The following GIPC3 variants were observed in gnomAD, a reference collection of about 807,000 sequenced individuals.
GIPC3 encodes the protein PDZ domain-containing protein GIPC3.
Under a neutral mutation model 27.3 loss-of-function variants are expected in GIPC3, and 16 were observed. The ratio of observed to expected loss-of-function variants is 0.59; its 90% CI spans 0.40 to 0.89. The LOEUF is 0.89. GIPC3 is among the 40% of genes least tolerant of loss of function. GIPC3 has a pLI of 0.00. For missense variants in GIPC3, 440 were observed against 442.1 expected (o/e 1.00, Z 0.04); for synonymous variants, 194 against 184.6 (o/e 1.05, Z -0.41).
chr19:3,589,886 A>G lies in GIPC3; in HGVS notation c.761A>G (p.Tyr254Cys). 6.2e-7 allele frequency: 1 copy of G among 1,613,888 alleles called. No homozygotes were observed. The highest frequency in any genetic ancestry group is 8.5e-7 in the Non-Finnish European group (1 of 1,180,006). Reference sequence around the variant, plus strand: ...AAGGTTGATGACCTGCTGGAAAGCTACATGGGCATTCGGGACCCCGAGCTG... The same window carrying G: ...AAGGTTGATGACCTGCTGGAAAGCTGCATGGGCATTCGGGACCCCGAGCTG... ...SRKVDDLLES[Y>C]MGIRDPELAS... is the part of the protein sequence containing the mutation. The change falls in exon 5 of 6, where the codon TAC (tyrosine) becomes TGC (cysteine). Residue 254 changes from tyrosine to cysteine, a missense_variant. Coordinates refer to ENST00000644452, the MANE Select transcript of GIPC3 (RefSeq NM_133261.3).
At chr19:3,587,817 A>G (rs1173610014) in intron 3 of GIPC3, among the ~76,000 whole-genome samples, 1 of 150,408 alleles carries the variant, frequency 6.6e-6, no homozygotes, top group African/African-American at 2.4e-5. Flanking sequence ...CAGCCTCCCG[A>G]GTAGCTGGGA....
At chr19:3,587,018 G>C in intron 3 of GIPC3, 24 bp downstream of exon 3, 1 of 1,601,256 alleles carries the variant, frequency 6.2e-7, no homozygotes, top group Non-Finnish European at 8.5e-7. Context: ...GCTGGCGGGA[G>C]CTCTTCCCGA....
Position 3,592,048 on chromosome 19 carries a change from C to A in GIPC3, c.*1858C>A. ...ATCCCAGCCAGCTCCAAAACACAGA[C>A]AGCAGCTGAGACCCAGCCAAGTTCC... On this transcript the variant is annotated 3_prime_UTR_variant, in exon 6 of 6. Transcript: ENST00000644452. 2 of 1,232,148 alleles carry A rather than the reference C, an allele frequency of 1.6e-6. No homozygotes were observed. Among genetic ancestry groups the A allele is most frequent in the Non-Finnish European group, 2.0e-6 (2 of 988,088 alleles). The allele number at this position is 1,232,148 out of a possible 1,614,324, so 76.3% of individuals were successfully genotyped here. A position where few individuals can be genotyped will look rare whatever the true frequency, so the allele number is the denominator to read the frequency against.
rs1052913896 is a variant in GIPC3 at position 3,593,395 on chromosome 19, G to A, written c.*3205G>A. ...TGACCTTATTTCTCCAGCAGGCGGT[G>A]GTAGGGAGTGTGCGGTGGTGAAAAC... On this transcript the variant is annotated 3_prime_UTR_variant, in exon 6 of 6. Coordinates refer to ENST00000644452, the MANE Select transcript of GIPC3 (RefSeq NM_133261.3). The A allele has an allele frequency of 2.9e-6, 3 of 1,031,366 alleles. No individual in the cohort carries two copies. Among genetic ancestry groups the A allele is most frequent in the Non-Finnish European group, 3.7e-6 (3 of 805,276 alleles). The allele number at this position is 1,031,366 out of a possible 1,614,324, so 63.9% of individuals were successfully genotyped here.
rs754045305 is a variant in GIPC3 at position 3,590,185 on chromosome 19, G to A, written c.934G>A (p.Gly312Ser). 5.6e-6 allele frequency: 9 copies of A among 1,595,786 alleles called. No individual in the cohort carries two copies. Among genetic ancestry groups the A allele is most frequent in the Non-Finnish European group, 7.7e-6 (9 of 1,172,406 alleles). The change falls in exon 6 of 6, where the codon GGC becomes AGC. Residue 312 changes from glycine (G) to serine (S), a missense_variant. Transcript: ENST00000644452. ...AAIGEAREACG is the reference protein window; with the variant it reads ...AAIGEAREACS Reference sequence around the variant, plus strand: ...CATCGGCGAGGCCAGAGAGGCCTGTGGCTAGTTTGCCCTGGGGGGGCCCAG... The same window carrying A: ...CATCGGCGAGGCCAGAGAGGCCTGTAGCTAGTTTGCCCTGGGGGGGCCCAG...
Position 3,589,398 on chromosome 19 carries a change from G to A in GIPC3, c.593-45G>A, listed in dbSNP as rs770437668. The A allele has an allele frequency of 6.4e-6, 9 of 1,413,340 alleles. No homozygotes were observed. The South Asian group carries it at 8.0e-5, about 13-fold the overall frequency. 87.5% of individuals were successfully genotyped at this position (1,413,340 alleles called of 1,614,324 possible). On this transcript the variant is annotated intron_variant, in intron 3 of 5. Transcript: ENST00000644452. ...GCCTCCCAGGGTTTACAAAGATGTGGCTCCACCCAGAACCCATGGCCATCC... is the reference window on the plus strand; with the variant it reads ...GCCTCCCAGGGTTTACAAAGATGTGACTCCACCCAGAACCCATGGCCATCC...
At chr19:3,589,643 C>T (rs547498630) in intron 4 of GIPC3, 88 bp downstream of exon 4, 29 of 1,255,946 alleles carry the variant, frequency 2.3e-5, no homozygotes, top group Middle Eastern at 2.3e-4. Context: ...AACTTCTCCT[C>T]GGAGCCTCAG....
At position 3,593,281 on chromosome 19, in the gene GIPC3, G is replaced by T. The variant is rs1211452981; in HGVS notation, c.*3091G>T. 8.1e-7 allele frequency: 1 copy of T among 1,232,270 alleles called. No individual in the cohort carries two copies. The highest frequency in any genetic ancestry group is 4.2e-5 in the Admixed American group (1 of 23,710). 76.3% of individuals were successfully genotyped at this position (1,232,270 alleles called of 1,614,324 possible). A position where few individuals can be genotyped will look rare whatever the true frequency, so the allele number is the denominator to read the frequency against. ...CCAGGAGCCCGCCCTTACCGCGGGGGGCCGTAGCTTGGCTGTGACTTAGCC... is the reference window on the plus strand; with the variant it reads ...CCAGGAGCCCGCCCTTACCGCGGGGTGCCGTAGCTTGGCTGTGACTTAGCC... On this transcript the variant is annotated 3_prime_UTR_variant, in exon 6 of 6. Transcript: ENST00000644452.
chr19:3,588,943 C>CA (rs879066514), intron 3 of GIPC3, among the ~76,000 whole-genome samples: 3,035 of 96,088 alleles, frequency 0.032, 47 homozygotes, highest in East Asian at 0.054. Context: ...GACAACATCT[C>CA]AAAAAAAAAA....
rs776528978 is a variant in GIPC3, at chr19:3,589,509, A to T, written c.659A>T (p.Glu220Val). The T allele has an allele frequency of 6.2e-7, 1 of 1,613,950 alleles. No individual in the cohort carries two copies. Among genetic ancestry groups the T allele is most frequent in the East Asian group, 2.2e-5 (1 of 44,850 alleles). The change falls in exon 4 of 6, where the codon GAG becomes GTG. Residue 220 changes from glutamate to valine, a missense_variant. Transcript: ENST00000644452. ...PVEAKVTSGRETLRLRSGGAA... is the reference protein window; with the variant it reads ...PVEAKVTSGRVTLRLRSGGAA... ...GAGGCGAAAGTGACCAGCGGGAGGG[A>T]GACCCTGCGGCTTCGTTCTGGGGGG... is the stretch of plus-strand genomic sequence containing the variant.
rs763523474 is a variant in GIPC3 at position 3,586,550 on chromosome 19, G to C, written c.281G>C (p.Gly94Ala). 1.2e-6 allele frequency: 2 copies of C among 1,613,790 alleles called. No individual in the cohort carries two copies. Among genetic ancestry groups the C allele is most frequent in the Admixed American group, 1.7e-5 (1 of 60,004 alleles). The change falls in exon 2 of 6, where the codon GGT becomes GCT. Residue 94 changes from glycine (G) to alanine (A), a missense_variant. Gly to Ala is a moderately conservative substitution (Grantham distance 60, BLOSUM62 0). Coordinates refer to ENST00000644452, the MANE Select transcript of GIPC3 (RefSeq NM_133261.3). ...HKVDMQKLLG[G>A]QIGLEDFIFA... ...GTGGACATGCAGAAGCTCCTGGGGGGTCAGATAGGCCTGGAGGACTTCATC... is the reference window on the plus strand; with the variant it reads ...GTGGACATGCAGAAGCTCCTGGGGGCTCAGATAGGCCTGGAGGACTTCATC...
rs1414850868 is a variant in GIPC3 at position 3,591,216 on chromosome 19, A to G, written c.*1026A>G. The stretch of plus-strand genomic sequence containing the variant: ...TAGAACTCAGGCCACCTCTGAGGCC[A>G]AACCCAGCTCTAGAACCCAGATAAG... On this transcript the variant is annotated 3_prime_UTR_variant, in exon 6 of 6. Coordinates refer to ENST00000644452, the MANE Select transcript of GIPC3 (RefSeq NM_133261.3). 1 of 1,232,802 alleles carries G rather than the reference A, an allele frequency of 8.1e-7. No individual in the cohort carries two copies. The allele number at this position is 1,232,802 out of a possible 1,614,324, so 76.4% of individuals were successfully genotyped here. A position where few individuals can be genotyped will look rare whatever the true frequency, so the allele number is the denominator to read the frequency against.
At chr19:3,586,412 G>A in intron 1 of GIPC3, 83 bp from the exon 2 acceptor site, 2 of 1,278,112 alleles carry the variant, frequency 1.6e-6, no homozygotes, top group Non-Finnish European at 2.2e-6. Flanking sequence ...CTGGTCGCTG[G>A]GGGCAGGGGC....
rs1254632673 is a variant in GIPC3 at position 3,590,839 on chromosome 19, T to A, written c.*649T>A. Reference sequence around the variant, plus strand: ...AGAACTCAGATGGGCTCTGAGACCATGCCCAGCTCTAGAACTCAGATGGGC... The same window carrying A: ...AGAACTCAGATGGGCTCTGAGACCAAGCCCAGCTCTAGAACTCAGATGGGC... On this transcript the variant is annotated 3_prime_UTR_variant, in exon 6 of 6. Coordinates refer to ENST00000644452, the MANE Select transcript of GIPC3 (RefSeq NM_133261.3). 197 of 1,151,190 alleles carry A rather than the reference T, an allele frequency of 1.7e-4. 1 individual carries two copies. The African/African-American group carries it at 2.9e-3, about 17-fold the overall frequency. The allele number at this position is 1,151,190 out of a possible 1,614,324, so 71.3% of individuals were successfully genotyped here.
chr19:3,589,644 G>T lies in GIPC3; in HGVS notation c.705+89G>T. ...CGGTCTTGGGTAAGAACTTCTCCTCGGAGCCTCAGTTTCTCTGCCTGCAAA... is the reference window on the plus strand; with the variant it reads ...CGGTCTTGGGTAAGAACTTCTCCTCTGAGCCTCAGTTTCTCTGCCTGCAAA... On this transcript the variant is annotated intron_variant, in intron 4 of 5. Coordinates refer to ENST00000644452, the MANE Select transcript of GIPC3 (RefSeq NM_133261.3). 1.4e-5 allele frequency: 17 copies of T among 1,250,848 alleles called. 1 individual carries two copies. In the South Asian group the frequency reaches 2.0e-4, roughly 14 times the overall value. The allele number at this position is 1,250,848 out of a possible 1,614,324, so 77.5% of individuals were successfully genotyped here. A position where few individuals can be genotyped will look rare whatever the true frequency, so the allele number is the denominator to read the frequency against.
At position 3,591,476 on chromosome 19, in the gene GIPC3, C is replaced by A; in HGVS notation, c.*1286C>A. ...TGGACAGCTCCACGATGCAGCCACA[C>A]CTGGACACTCGGTCTAGCTCCGGAA... On this transcript the variant is annotated 3_prime_UTR_variant, in exon 6 of 6. Transcript: ENST00000644452. The A allele has an allele frequency of 8.1e-7, 1 of 1,232,564 alleles. No homozygotes were observed. Among genetic ancestry groups the A allele is most frequent in the Non-Finnish European group, 1.0e-6 (1 of 988,402 alleles). The allele number at this position is 1,232,564 out of a possible 1,614,324, so 76.4% of individuals were successfully genotyped here. A position where few individuals can be genotyped will look rare whatever the true frequency, so the allele number is the denominator to read the frequency against.
At chr19:3,585,875 G>A in intron 1 of GIPC3, 53 bp downstream of exon 1, 2 of 1,521,090 alleles carry the variant, frequency 1.3e-6, no homozygotes, top group South Asian at 1.2e-5. Flanking sequence ...GGGGTGAGGG[G>A]TAGGGAGCTT....
chr19:3,586,660 G>T lies in GIPC3; in HGVS notation c.391G>T (p.Ala131Ser). 6.2e-7 allele frequency: 1 copy of T among 1,612,150 alleles called. No homozygotes were observed. The highest frequency in any genetic ancestry group is 8.5e-7 in the Non-Finnish European group (1 of 1,179,328). The change falls in exon 2 of 6, where the codon GCT (alanine) becomes TCT (serine). Residue 131 changes from alanine to serine, a missense_variant. Physicochemically the swap from Ala to Ser is moderately conservative, Grantham distance 99. Transcript: ENST00000644452. ...ALGLTITDNG[A>S]GYAFIKRIKE... ...GGGGCTGACCATCACGGACAACGGG[G>T]CTGGCTACGCCTTCATCAAGGTGCC...
chr19:3,588,271 G>C (rs2032413781), intron 3 of GIPC3, among the ~76,000 whole-genome samples: 2 of 152,128 alleles, frequency 1.3e-5, no homozygotes, highest in Non-Finnish European at 2.9e-5. Flanking sequence ...CGAAAGTGCT[G>C]GAATTACAGG....
Sources: gnomAD v4.1 joint callset for allele counts (sites outside exome capture counted in the v4.1 genomes callset) on GRCh38, gnomAD v4.1.1 for gene constraint, MANE v1.5 for transcripts, NCBI Gene and HGNC (gene_info 2026-07-23, HGNC 2026-07-21) for gene names.